The following WIPF1 variants were observed in gnomAD, a reference collection of about 807,000 sequenced individuals.
The protein encoded by WIPF1 is WAS/WASL interacting protein family member 1.
In WIPF1, 13 loss-of-function variants were observed where a neutral mutation model predicts 35.4. The ratio of observed to expected loss-of-function variants is 0.37; its 90% CI spans 0.24 to 0.58. The LOEUF is 0.58. Among genes scored for constraint, WIPF1 ranks in the 20% least tolerant of loss-of-function variants. The pLI is 0.74. For missense variants in WIPF1, 591 were observed against 667.0 expected, an observed-to-expected ratio of 0.89 and a Z score of 1.25; for synonymous variants, 267 against 266.3, an observed-to-expected ratio of 1.00 and a Z score of -0.02.
chr2:174,571,847 G>A lies in WIPF1; in HGVS notation c.958C>T (p.Pro320Ser). Residue 320 changes from proline (P) to serine (S), a missense_variant, in exon 5 of 8, where the codon CCT (proline) becomes TCT (serine). Physicochemically the swap from Pro to Ser is moderately conservative, Grantham distance 74. Around this residue, in one of 3 missense-constraint regions of WIPF1, gnomAD observed 471 missense variants for 501.1 expected, o/e 0.94. Coordinates refer to ENST00000679041, the MANE Select transcript of WIPF1 (RefSeq NM_001375834.1). The surrounding 1 kb of genome is among the most constrained non-coding windows in gnomAD (Gnocchi z 4.6). ...TTGCCGCTGGAACTTGGAGGCAGAGGAGGCGGCCCGGGCCTGCTGGGAGGT... is the reference window on the plus strand; with the variant it reads ...TTGCCGCTGGAACTTGGAGGCAGAGAAGGCGGCCCGGGCCTGCTGGGAGGT... Reference protein sequence around the residue: ...PPPPSRPGPPPLPPSSSGNDE... With the variant: ...PPPPSRPGPPSLPPSSSGNDE... 6.2e-7 allele frequency: 1 copy of A among 1,614,134 alleles called. No homozygotes were observed. The highest frequency in any genetic ancestry group is 1.3e-5 in the African/African-American group (1 of 75,064).
intron 4 of WIPF1, among the ~76,000 whole-genome samples, chr2:174,572,745 G>A (rs1274740942): frequency 6.6e-6 from 1 of 152,200 alleles, no homozygotes; most frequent in Non-Finnish European, 1.5e-5. Context: ...GAGTTCTGGT[G>A]AGATGCCTAT....
At chr2:174,654,614 T>A (rs184205471) in intron 1 of WIPF1, among the ~76,000 whole-genome samples, 106 of 152,180 alleles carry the variant, frequency 7.0e-4, no homozygotes, top group African/African-American at 2.3e-3. Flanking sequence ...TTTATTCCTT[T>A]TTTTTTTTCC....
At chr2:174,658,961 CT>C (rs1436936154) in intron 1 of WIPF1, among the ~76,000 whole-genome samples, 2 of 152,028 alleles carry the variant, frequency 1.3e-5, no homozygotes, top group African/African-American at 4.8e-5. Flanking sequence ...CATTTCAGCC[CT>C]TAAGCCTCTG....
Position 174,638,528 on chromosome 2 carries a change from C to A in WIPF1, c.-39+44246G>T, listed in dbSNP as rs141059851. Among the ~76,000 whole-genome samples the A allele has an allele frequency of 2.6e-5, 4 of 152,240 alleles. No individual in the cohort carries two copies. In the East Asian group the frequency reaches 7.7e-4, roughly 29 times the overall value. Reference sequence around the variant, plus strand: ...CCTCCTGTCTAATTGTAACTTTGTACCTGTTGACCCCATCTTCCCCTCCCT... The same window carrying A: ...CCTCCTGTCTAATTGTAACTTTGTAACTGTTGACCCCATCTTCCCCTCCCT... On this transcript the variant is annotated intron_variant, in intron 1 of 8. Transcript: ENST00000272746.
At chr2:174,644,434 C>A (rs1386809744) in intron 1 of WIPF1, among the ~76,000 whole-genome samples, 1 of 125,596 alleles carries the variant, frequency 8.0e-6, no homozygotes, top group Non-Finnish European at 1.7e-5. Flanking sequence ...TTCACTCCCC[C>A]ACCCCCCTCC....
At chr2:174,563,721 G>A (rs527442001) in intron 7 of WIPF1, among the ~76,000 whole-genome samples, 7 of 152,346 alleles carry the variant, frequency 4.6e-5, no homozygotes, top group African/African-American at 1.7e-4. Flanking sequence ...GTGCTCAGAT[G>A]TTGTGAACAG....
At chr2:174,673,494 C>G (rs142955192) in intron 1 of WIPF1, 1 of 152,284 alleles carries the variant, frequency 6.6e-6, no homozygotes, top group East Asian at 1.9e-4. Context: ...CACATCATCT[C>G]GAGGAACTCC....
chr2:174,575,194 C>A lies in WIPF1; in HGVS notation c.358+10G>T. 2 of 1,597,662 alleles carry A rather than the reference C, an allele frequency of 1.3e-6. No homozygotes were observed. Among genetic ancestry groups the A allele is most frequent in the South Asian group, 1.1e-5 (1 of 89,468 alleles). On this transcript the variant is annotated intron_variant, in intron 4 of 7. Coordinates refer to ENST00000679041, the MANE Select transcript of WIPF1 (RefSeq NM_001375834.1). The stretch of plus-strand genomic sequence containing the variant: ...CTTCAGTCACTCAGAGACAGGGAAA[C>A]TCTCCTTACCATTATCCCTGTTGGC...
chr2:174,576,243 A>AAAAAAAAAAAAAAAAAAAAAAAAAAAAAC (rs1559149036), intron 3 of WIPF1, among the ~76,000 whole-genome samples: 1 of 150,348 alleles, frequency 6.7e-6, no homozygotes, highest in African/African-American at 2.5e-5. Context: ...AAAAAAAAAA[A>AAAAAAAAAAAAAAAAAAAAAAAAAAAAAC]AAAAAACACT....
intron 1 of WIPF1, among the ~76,000 whole-genome samples, chr2:174,610,811 C>T (rs1004103702): frequency 6.6e-6 from 1 of 152,192 alleles, no homozygotes; most frequent in African/African-American, 2.4e-5. Context: ...CGGCTCCTCT[C>T]TGTCACCAGC....
At chr2:174,588,179 A>G (rs1294417734) in intron 1 of WIPF1, among the ~76,000 whole-genome samples, 1 of 152,216 alleles carries the variant, frequency 6.6e-6, no homozygotes, top group Non-Finnish European at 1.5e-5. Flanking sequence ...TGGTATGATC[A>G]GAGTTGGGAA....
At chr2:174,628,385 A>G (rs928066207) in intron 1 of WIPF1, among the ~76,000 whole-genome samples, 8 of 151,856 alleles carry the variant, frequency 5.3e-5, no homozygotes, top group Admixed American at 5.2e-4. Context: ...ACCAATCCAC[A>G]CTCATGTCCA....
chr2:174,617,537 A>C (rs1686544655), intron 1 of WIPF1, among the ~76,000 whole-genome samples: 1 of 152,162 alleles, frequency 6.6e-6, no homozygotes. Flanking sequence ...ATCAGTCATG[A>C]CTCAAGTGCT....
At chr2:174,636,527 C>T (rs754029626) in intron 1 of WIPF1, among the ~76,000 whole-genome samples, 2 of 152,138 alleles carry the variant, frequency 1.3e-5, no homozygotes, top group African/African-American at 4.8e-5. Flanking sequence ...AATAGTGATA[C>T]ATAATTATTA....
intron 1 of WIPF1, among the ~76,000 whole-genome samples, chr2:174,586,481 G>A (rs1427349221): frequency 6.6e-6 from 1 of 152,176 alleles, no homozygotes; most frequent in Non-Finnish European, 1.5e-5. Flanking sequence ...TAGCTGGGTA[G>A]GAAAGTTTAG....
chr2:174,679,794 G>A (rs1413481710), intron 1 of WIPF1, among the ~76,000 whole-genome samples: 2 of 152,210 alleles, frequency 1.3e-5, no homozygotes, highest in African/African-American at 4.8e-5. Flanking sequence ...ACAGACTTAA[G>A]TTATTTTGAC....
intron 7 of WIPF1, among the ~76,000 whole-genome samples, chr2:174,565,416 C>T (rs1684627818): frequency 6.6e-6 from 1 of 152,178 alleles, no homozygotes; most frequent in Admixed American, 6.5e-5. Context: ...AGGCACAAAG[C>T]ACAGTTTGAC....
intron 1 of WIPF1, among the ~76,000 whole-genome samples, chr2:174,621,217 G>A (rs763717986): frequency 1.3e-5 from 2 of 151,926 alleles, no homozygotes; most frequent in African/African-American, 2.4e-5. Context: ...TGAAAGAGGA[G>A]ATGAGTTTGA....
intron 1 of WIPF1, among the ~76,000 whole-genome samples, chr2:174,646,439 A>C (rs916528428): frequency 6.6e-6 from 1 of 152,232 alleles, no homozygotes; most frequent in African/African-American, 2.4e-5. Context: ...CAGTTTTCTC[A>C]TCTATAACAT....
Sources: allele counts gnomAD v4.1 joint callset (sites outside exome capture counted in the v4.1 genomes callset), GRCh38; gene constraint gnomAD v4.1.1; regional missense constraint gnomAD v4.1.1; non-coding constraint Gnocchi (gnomAD v3.1); transcripts MANE v1.5; gene names NCBI Gene and HGNC (gene_info 2026-07-23, HGNC 2026-07-21).